UBE2H: variants seen among roughly 807,000 people sequenced by gnomAD.
The protein encoded by UBE2H is ubiquitin conjugating enzyme E2 H, also known as ubiquitin-conjugating enzyme E2 H.
In UBE2H, 3 loss-of-function variants were observed where a neutral mutation model predicts 29.0. That is an observed-to-expected ratio of 0.10 (90% CI 0.05 to 0.27). UBE2H has a LOEUF of 0.27. Among genes scored for constraint, UBE2H ranks in the 10% least tolerant of loss-of-function variants. The pLI is 1.00. For missense variants in UBE2H, 68 were observed against 228.2 expected, an observed-to-expected ratio of 0.30 and a Z score of 4.52; for synonymous variants, 69 against 82.9, an observed-to-expected ratio of 0.83 and a Z score of 0.91.
At position 129,879,641 on chromosome 7, in the gene UBE2H, T is replaced by C; in HGVS notation, c.132A>G (p.Thr44=). 1 of 1,611,074 alleles carries C rather than the reference T, an allele frequency of 6.2e-7. No homozygotes were observed. The highest frequency in any genetic ancestry group is 8.5e-7 in the Non-Finnish European group (1 of 1,179,028). Residue 44 remains threonine (T), a splice_region_variant and synonymous_variant, in exon 3 of 7, where the codon ACA becomes ACG. Transcript: ENST00000355621. ...FVVKFYGPQG[T]PYEGGVWKVR... ...CTTTCCATACTCCGCCTTCATATGG[T>C]GCTGAAATAAAAGTAAAAATGTTCA...
intron 1 of UBE2H, among the ~76,000 whole-genome samples, chr7:129,884,544 G>A (rs777728452): frequency 1.3e-4 from 19 of 151,506 alleles, no homozygotes; most frequent in Non-Finnish European, 2.8e-4. Context: ...TTTAAAAATG[G>A]AAACGGTCTA....
chr7:129,837,563 T>C (rs1273914253), intron 6 of UBE2H, among the ~76,000 whole-genome samples: 1 of 137,610 alleles, frequency 7.3e-6, no homozygotes, highest in Non-Finnish European at 1.5e-5. Context: ...TCACTGCTCC[T>C]GAAACAGGGA....
intron 3 of UBE2H, among the ~76,000 whole-genome samples, chr7:129,861,199 G>A (rs964914922): frequency 6.6e-6 from 1 of 151,868 alleles, no homozygotes; most frequent in African/African-American, 2.4e-5. Context: ...ACTCCAGCCT[G>A]GGTGACGGAG....
chr7:129,835,707 GA>G (rs1448746542), intron 6 of UBE2H, among the ~76,000 whole-genome samples: 21 of 152,132 alleles, frequency 1.4e-4, no homozygotes, highest in African/African-American at 4.8e-4. Flanking sequence ...TAAGACTGCT[GA>G]AACGGCTTTT....
chr7:129,841,919 G>A (rs1209947317), intron 5 of UBE2H, among the ~76,000 whole-genome samples: 1 of 152,104 alleles, frequency 6.6e-6, no homozygotes, highest in Non-Finnish European at 1.5e-5. Flanking sequence ...TTTTTAAAAA[G>A]GGAAACAATT....
chr7:129,854,060 G>GGTT (rs1554430936), intron 5 of UBE2H, among the ~76,000 whole-genome samples: 4 of 100,312 alleles, frequency 4.0e-5, no homozygotes, highest in Non-Finnish European at 5.9e-5. Context: ...TTTAGTGTTA[G>GGTT]TTTTTTTTTT....
At chr7:129,889,947 T>C (rs891196601) in intron 1 of UBE2H, among the ~76,000 whole-genome samples, 3 of 151,808 alleles carry the variant, frequency 2.0e-5, no homozygotes, top group Non-Finnish European at 2.9e-5. Context: ...ATGGGCAACA[T>C]AGTGAGACCC....
Position 129,835,002 on chromosome 7 carries a change from C to A in UBE2H, c.487G>T (p.Asp163Tyr). The A allele has an allele frequency of 6.2e-7, 1 of 1,614,068 alleles. No homozygotes were observed. The highest frequency in any genetic ancestry group is 2.2e-5 in the East Asian group (1 of 44,886). ...ALKEQEEGTG[D>Y]SSSESSMSDF... ...GACATAGAGCTCTCCGATGAGCTGTCCCCGGTACCCTCTTCCTGTTCTTTC... is the reference window on the plus strand; with the variant it reads ...GACATAGAGCTCTCCGATGAGCTGTACCCGGTACCCTCTTCCTGTTCTTTC... Residue 163 changes from aspartate to tyrosine, a missense_variant, in exon 7 of 7, where the codon GAC (aspartate) becomes TAC (tyrosine). Coordinates refer to ENST00000355621, the MANE Select transcript of UBE2H (RefSeq NM_003344.4).
intron 1 of UBE2H, among the ~76,000 whole-genome samples, chr7:129,886,150 A>G (rs1265863000): frequency 6.6e-6 from 1 of 152,174 alleles, no homozygotes; most frequent in African/African-American, 2.4e-5. Context: ...AAACCCATAA[A>G]TCACATTTTA....
At chr7:129,920,651 G>A (rs1242718444) in intron 1 of UBE2H, among the ~76,000 whole-genome samples, 8 of 151,814 alleles carry the variant, frequency 5.3e-5, no homozygotes, top group East Asian at 1.9e-4. Context: ...GGAGGGAAGC[G>A]GAATCAGGAA....
At position 129,882,601 on chromosome 7, in the gene UBE2H, C is replaced by T. The variant is rs570929896; in HGVS notation, c.54-1630G>A. 5.9e-5 allele frequency among the ~76,000 whole-genome samples: 9 copies of T among 152,210 alleles called. No individual in the cohort carries two copies. The South Asian group carries it at 1.0e-3, about 18-fold the overall frequency. On this transcript the variant is annotated intron_variant, in intron 1 of 6. Transcript: ENST00000355621. Reference sequence around the variant, plus strand: ...TAATTTGATCTAATTCTTTTCTAAACGATAACTTACTACCTTAGAAACATG... The same window carrying T: ...TAATTTGATCTAATTCTTTTCTAAATGATAACTTACTACCTTAGAAACATG...
intron 1 of UBE2H, among the ~76,000 whole-genome samples, chr7:129,883,371 C>T (rs1362574567): frequency 6.6e-6 from 1 of 152,194 alleles, no homozygotes; most frequent in African/African-American, 2.4e-5. Flanking sequence ...CCTGTCAGCG[C>T]TACTCCCGGA....
chr7:129,892,290 C>T (rs572663313), intron 1 of UBE2H, among the ~76,000 whole-genome samples: 7 of 150,868 alleles, frequency 4.6e-5, no homozygotes, highest in South Asian at 4.2e-4. Context: ...TTGCTCCCAT[C>T]GCACAGGCTG....
At chr7:129,915,707 G>A (rs17559596) in intron 1 of UBE2H, among the ~76,000 whole-genome samples, 3,312 of 152,204 alleles carry the variant, frequency 0.022, 52 homozygotes, top group Non-Finnish European at 0.031. Flanking sequence ...TTGTAAAACA[G>A]CCTGCCCGTA....
At chr7:129,883,833 C>T (rs1806303350) in intron 1 of UBE2H, among the ~76,000 whole-genome samples, 1 of 152,188 alleles carries the variant, frequency 6.6e-6, no homozygotes, top group East Asian at 1.9e-4. Flanking sequence ...CAGAGTGAGA[C>T]TCCGTCTCAA....
chr7:129,907,356 G>A (rs536799454), intron 1 of UBE2H, among the ~76,000 whole-genome samples: 67 of 152,282 alleles, frequency 4.4e-4, no homozygotes, highest in African/African-American at 1.5e-3. Flanking sequence ...GCTTGAGCCA[G>A]ACTTTAAGGA....
At chr7:129,901,550 G>T (rs1806717031) in intron 1 of UBE2H, among the ~76,000 whole-genome samples, 1 of 152,136 alleles carries the variant, frequency 6.6e-6, no homozygotes, top group African/African-American at 2.4e-5. Flanking sequence ...ATGACTAACT[G>T]TATATGAGGG....
At chr7:129,890,291 G>A (rs1372944435) in intron 1 of UBE2H, among the ~76,000 whole-genome samples, 8 of 150,902 alleles carry the variant, frequency 5.3e-5, no homozygotes, top group African/African-American at 2.0e-4. Context: ...ATATACACGT[G>A]TATATGTATA....
In UBE2H at chr7:129,857,431, A is replaced by C; in HGVS notation, c.298+80T>G. On this transcript the variant is annotated intron_variant, in intron 5 of 6. Transcript: ENST00000355621. ...TTCCCATTACCAACAAAACATCTTAAACCAGAAAAGAAAAGCCAAACAACA... is the reference window on the plus strand; with the variant it reads ...TTCCCATTACCAACAAAACATCTTACACCAGAAAAGAAAAGCCAAACAACA... The C allele has an allele frequency of 3.4e-6, 5 of 1,481,696 alleles. No individual in the cohort carries two copies. The South Asian group carries it at 6.2e-5, about 18-fold the overall frequency. 91.8% of individuals were successfully genotyped at this position (1,481,696 alleles called of 1,614,324 possible).
Sources: gnomAD v4.1 joint callset for allele counts (sites outside exome capture counted in the v4.1 genomes callset) on GRCh38, gnomAD v4.1.1 for gene constraint, MANE v1.5 for transcripts, NCBI Gene and HGNC (gene_info 2026-07-23, HGNC 2026-07-21) for gene names.